The following DIP2C variants were observed in gnomAD, a reference collection of about 807,000 sequenced individuals.
DIP2C encodes the protein DIP2 acetate--CoA ligase C (putative).
DIP2C carries 33 observed loss-of-function variants against 192.4 expected under a neutral mutation model. The ratio of observed to expected loss-of-function variants is 0.17; its 90% CI spans 0.13 to 0.23. The LOEUF is 0.23. DIP2C is among the 10% of genes least tolerant of loss of function. The pLI, the probability that DIP2C is intolerant of heterozygous loss-of-function variation, is 1.00. For synonymous variants in DIP2C, 979 were observed against 864.1 expected (o/e 1.13, Z -2.33); for missense variants, 1,537 against 2,110.1 (o/e 0.73, Z 5.32).
At chr10:297,354 G>A (rs1433440271) in intron 32 of DIP2C, among the ~76,000 whole-genome samples, 1 of 150,644 alleles carries the variant, frequency 6.6e-6, no homozygotes, top group Non-Finnish European at 1.5e-5. Flanking sequence ...AATCATCAGT[G>A]TACTGGAGAG....
intron 5 of DIP2C, among the ~76,000 whole-genome samples, chr10:420,821 G>A (rs80213455): frequency 0.017 from 2,560 of 152,214 alleles, 73 homozygotes; most frequent in African/African-American, 0.058. Context: ...GCAGCCCTGG[G>A]CTTTTCTCCC....
At chr10:338,969 C>T (rs964581403) in intron 29 of DIP2C, among the ~76,000 whole-genome samples, 1 of 152,136 alleles carries the variant, frequency 6.6e-6, no homozygotes, top group African/African-American at 2.4e-5. Flanking sequence ...CTGGCTCCCA[C>T]AGCCCACGCC....
chr10:639,329 G>A (rs28556732), intron 1 of DIP2C, among the ~76,000 whole-genome samples: 103,563 of 113,132 alleles, frequency 0.92, 47,574 homozygotes, highest in Non-Finnish European at 0.95. Flanking sequence ...CGGTCCACAC[G>A]TGGGGATGTG....
At chr10:583,436 G>A (rs576889316) in intron 1 of DIP2C, among the ~76,000 whole-genome samples, 1 of 152,328 alleles carries the variant, frequency 6.6e-6, no homozygotes, top group South Asian at 2.1e-4. Context: ...TTTACGGAAG[G>A]TTCACAGTAA....
intron 9 of DIP2C, among the ~76,000 whole-genome samples, chr10:404,990 A>C (rs916797783): frequency 1.3e-5 from 2 of 152,218 alleles, no homozygotes; most frequent in Non-Finnish European, 2.9e-5. Context: ...ACTGCTGTAC[A>C]ACTTCTTCCC....
chr10:372,981 C>G (rs1961171182), intron 17 of DIP2C, among the ~76,000 whole-genome samples: 1 of 152,262 alleles, frequency 6.6e-6, no homozygotes, highest in Non-Finnish European at 1.5e-5. Flanking sequence ...GGTTCTGACT[C>G]TTTCATGCAT....
intron 1 of DIP2C, among the ~76,000 whole-genome samples, chr10:583,602 TCTGCA>T (rs1850799691): frequency 6.6e-6 from 1 of 152,224 alleles, no homozygotes; most frequent in African/African-American, 2.4e-5. Context: ...GGCCTCGCTT[TCTGCA>T]CTGCCCGGGG....
chr10:596,496 CAAAAAAAAAAAAA>C lies in DIP2C; in HGVS notation c.85+92985_85+92997del, dbSNP rs56298679. 1.5e-3 allele frequency among the ~76,000 whole-genome samples: 77 copies of C among 52,934 alleles called. No individual in the cohort carries two copies. In the South Asian group the frequency reaches 0.016, roughly 11 times the overall value. 34.7% of individuals were successfully genotyped at this position (52,934 alleles called of 152,430 possible). A position where few individuals can be genotyped will look rare whatever the true frequency, so the allele number is the denominator to read the frequency against. Reference sequence around the variant, plus strand: ...GGGCGACCAGTGCGAAACTCCATCTCAAAAAAAAAAAAAAAAAAAAAAAAAAAAAAGTATTAAG... The same window carrying C: ...GGGCGACCAGTGCGAAACTCCATCTCAAAAAAAAAAAAAAAAAGTATTAAG... On this transcript the variant is annotated intron_variant, in intron 1 of 36. Coordinates refer to ENST00000280886, the MANE Select transcript of DIP2C (RefSeq NM_014974.3).
chr10:505,124 C>CA lies in DIP2C; in HGVS notation c.86-18595dup, dbSNP rs539749717. Among the ~76,000 whole-genome samples, 15 of 152,242 alleles carry CA rather than the reference C, an allele frequency of 9.9e-5. No homozygotes were observed. In the South Asian group the frequency reaches 2.5e-3, roughly 25 times the overall value. ...CTTCCCGGAACCGTGTGCATCTCCC[C>CA]AAAAGAAAACTGTACAGAAAACGGC... On this transcript the variant is annotated intron_variant, in intron 1 of 36. Transcript: ENST00000280886.
At chr10:453,641 G>C (rs1237859729) in intron 3 of DIP2C, among the ~76,000 whole-genome samples, 1 of 152,144 alleles carries the variant, frequency 6.6e-6, no homozygotes, top group Non-Finnish European at 1.5e-5. Flanking sequence ...TTCTAGTTTG[G>C]GATCCTAAAG....
At chr10:583,713 C>T (rs998166035) in intron 1 of DIP2C, among the ~76,000 whole-genome samples, 1 of 152,194 alleles carries the variant, frequency 6.6e-6, no homozygotes, top group African/African-American at 2.4e-5. Context: ...GGTCATCCTC[C>T]TTGTAATAAA....
At chr10:588,400 ATTGG>A (rs1456680781) in intron 1 of DIP2C, among the ~76,000 whole-genome samples, 5 of 152,254 alleles carry the variant, frequency 3.3e-5, no homozygotes, top group African/African-American at 4.8e-5. Flanking sequence ...GTCTTGTTAA[ATTGG>A]GAGATTCCAT....
Position 383,948 on chromosome 10 carries a change from GCC to G in DIP2C, c.1876+77_1876+78del, listed in dbSNP as rs967700988. The stretch of plus-strand genomic sequence containing the variant: ...GGGAAAAAATAAAAAAGACTTCACA[GCC>G]TGCCTGCCTCACGAAAAAAAAAAAA... On this transcript the variant is annotated intron_variant, in intron 16 of 36. Coordinates refer to ENST00000280886, the MANE Select transcript of DIP2C (RefSeq NM_014974.3). The G allele has an allele frequency of 2.9e-6, 4 of 1,393,664 alleles. No individual in the cohort carries two copies. The African/African-American group carries it at 5.2e-5, about 18-fold the overall frequency. The allele number at this position is 1,393,664 out of a possible 1,614,324, so 86.3% of individuals were successfully genotyped here. A position where few individuals can be genotyped will look rare whatever the true frequency, so the allele number is the denominator to read the frequency against.
intron 1 of DIP2C, among the ~76,000 whole-genome samples, chr10:549,795 CTG>C (rs1491208923): frequency 1.3e-5 from 2 of 152,284 alleles, no homozygotes; most frequent in Admixed American, 6.5e-5. Context: ...AATTAAGTAT[CTG>C]TGAGTAACAC....
chr10:496,852 C>T (rs1844873391), intron 1 of DIP2C, among the ~76,000 whole-genome samples: 2 of 152,160 alleles, frequency 1.3e-5, no homozygotes, highest in Non-Finnish European at 1.5e-5. Flanking sequence ...AGGCCAGGCA[C>T]GGTGGCTCAC....
At chr10:338,567 G>A (rs1005880672) in intron 29 of DIP2C, among the ~76,000 whole-genome samples, 8 of 152,234 alleles carry the variant, frequency 5.3e-5, no homozygotes, top group South Asian at 2.1e-4. Flanking sequence ...ACAGGACTGC[G>A]GACTGGGTGT....
At chr10:557,938 C>T (rs576643550) in intron 1 of DIP2C, among the ~76,000 whole-genome samples, 1 of 147,806 alleles carries the variant, frequency 6.8e-6, no homozygotes, top group South Asian at 2.1e-4. Flanking sequence ...CCCCAGAGGG[C>T]GAAACCCTGG....
chr10:556,906 T>C (rs1848907864), intron 1 of DIP2C, among the ~76,000 whole-genome samples: 1 of 150,940 alleles, frequency 6.6e-6, no homozygotes. Context: ...TCACAGCCCA[T>C]CAAACCTACA....
intron 1 of DIP2C, among the ~76,000 whole-genome samples, chr10:616,313 C>G (rs1853468405): frequency 6.6e-6 from 1 of 152,208 alleles, no homozygotes; most frequent in Non-Finnish European, 1.5e-5. Flanking sequence ...TGAATGAAAA[C>G]TTTAATCTGT....
Sources: gnomAD v4.1 joint callset for allele counts (sites outside exome capture counted in the v4.1 genomes callset) on GRCh38, gnomAD v4.1.1 for gene constraint, MANE v1.5 for transcripts, NCBI Gene and HGNC (gene_info 2026-07-23, HGNC 2026-07-21) for gene names.